The following NTM variants were observed in gnomAD, a reference collection of about 807,000 sequenced individuals.
NTM encodes the protein neurotrimin.
NTM carries 13 observed loss-of-function variants against 42.1 expected under a neutral mutation model. The observed-to-expected ratio is 0.31, with a 90% CI of 0.20 to 0.49. The LOEUF (loss-of-function observed/expected upper bound fraction) is 0.49, where lower values mean the gene tolerates loss of function less well. Among genes scored for constraint, NTM ranks in the 20% least tolerant of loss-of-function variants. The pLI is 0.99. For missense variants in NTM, 373 were observed against 452.8 expected (o/e 0.82, Z 1.60); for synonymous variants, 187 against 179.2 (o/e 1.04, Z -0.35).
intron 1 of NTM, among the ~76,000 whole-genome samples, chr11:131,756,193 T>G (rs770416279): frequency 5.3e-5 from 8 of 152,216 alleles, no homozygotes; most frequent in African/African-American, 1.9e-4. Flanking sequence ...TCATTTTTAC[T>G]GTCTGCTAAT....
rs568597431 is a variant in NTM at position 131,435,771 on chromosome 11, C to G, written c.82+64883C>G. 3.0e-4 allele frequency among the ~76,000 whole-genome samples: 45 copies of G among 152,198 alleles called. No individual in the cohort carries two copies. In the South Asian group the frequency reaches 9.3e-3, roughly 32 times the overall value. Reference sequence around the variant, plus strand: ...ACTTCTTCTTTTCCTAATTGAATACCCTTTATTTCTTTCTCTTGCCTGATT... The same window carrying G: ...ACTTCTTCTTTTCCTAATTGAATACGCTTTATTTCTTTCTCTTGCCTGATT... On this transcript the variant is annotated intron_variant, in intron 1 of 8. Coordinates refer to ENST00000683400, the MANE Select transcript of NTM (RefSeq NM_001352005.2).
chr11:131,619,732 T>G (rs2062327824), intron 1 of NTM, among the ~76,000 whole-genome samples: 1 of 151,820 alleles, frequency 6.6e-6, no homozygotes, highest in Non-Finnish European at 1.5e-5. Context: ...GCAGCAGACG[T>G]GGTGTAGAAA....
chr11:131,681,490 C>T (rs2072852619), intron 1 of NTM, among the ~76,000 whole-genome samples: 1 of 34,330 alleles, frequency 2.9e-5, no homozygotes, highest in Non-Finnish European at 5.0e-5. Flanking sequence ...TGTATGTCTC[C>T]TTGTGTGTGT....
chr11:132,122,305 A>T (rs1046744508), intron 2 of NTM, among the ~76,000 whole-genome samples: 1 of 152,204 alleles, frequency 6.6e-6, no homozygotes, highest in African/African-American at 2.4e-5. Context: ...TGGATAGGAC[A>T]CTTGGAGGGG....
chr11:131,900,442 T>C (rs1236410335), intron 1 of NTM, among the ~76,000 whole-genome samples: 2 of 152,218 alleles, frequency 1.3e-5, no homozygotes, highest in Non-Finnish European at 2.9e-5. Flanking sequence ...AGGTCAGATT[T>C]CAGGAAATCT....
rs539568481 is a variant in NTM, at chr11:132,090,922, C to G, written c.168-55360C>G. ...TCATGATCTCTCACCTCACCCAGAC[C>G]TACCAAAAAAAGTGACAGTCCTCTG... On this transcript the variant is annotated intron_variant, in intron 2 of 8. Transcript: ENST00000683400. 1.6e-4 allele frequency among the ~76,000 whole-genome samples: 24 copies of G among 152,262 alleles called. No homozygotes were observed. In the South Asian group the frequency reaches 5.0e-3, roughly 32 times the overall value.
intron 4 of NTM, among the ~76,000 whole-genome samples, chr11:132,275,116 C>A (rs2093655176): frequency 6.6e-6 from 1 of 151,952 alleles, no homozygotes; most frequent in Admixed American, 6.6e-5. Flanking sequence ...TCTTTGGCTA[C>A]CCTAAGGTCA....
At chr11:131,752,477 G>A (rs986762850) in intron 1 of NTM, among the ~76,000 whole-genome samples, 2 of 152,236 alleles carry the variant, frequency 1.3e-5, no homozygotes, top group African/African-American at 2.4e-5. Context: ...GGAAGTCAGT[G>A]TGGCGATTCC....
chr11:132,027,616 C>A (rs1183361487), intron 2 of NTM, among the ~76,000 whole-genome samples: 1 of 152,156 alleles, frequency 6.6e-6, no homozygotes, highest in Admixed American at 6.5e-5. Context: ...CAATGTAATT[C>A]TTATCCTTGC....
chr11:131,738,536 C>T (rs895873082), intron 1 of NTM, among the ~76,000 whole-genome samples: 4 of 152,212 alleles, frequency 2.6e-5, no homozygotes, highest in East Asian at 3.9e-4. Flanking sequence ...GTGGCTTTTA[C>T]ACTGCATTCA....
intron 2 of NTM, among the ~76,000 whole-genome samples, chr11:131,990,730 A>G (rs1289533981): frequency 6.6e-6 from 1 of 152,204 alleles, no homozygotes; most frequent in African/African-American, 2.4e-5. Context: ...TTTTTATAAA[A>G]GCTTGCAAGT....
At chr11:132,033,328 G>A (rs1188880536) in intron 2 of NTM, among the ~76,000 whole-genome samples, 1 of 152,212 alleles carries the variant, frequency 6.6e-6, no homozygotes, top group African/African-American at 2.4e-5. Flanking sequence ...GCCGTCAAAT[G>A]TCTGGCAATC....
chr11:131,921,023 A>G (rs1049275071), intron 2 of NTM, among the ~76,000 whole-genome samples: 5 of 152,202 alleles, frequency 3.3e-5, no homozygotes, highest in African/African-American at 9.6e-5. Flanking sequence ...ACCCTTCAGA[A>G]GCTATAAGTA....
chr11:131,411,678 C>T (rs901870835), intron 1 of NTM, among the ~76,000 whole-genome samples: 1 of 151,898 alleles, frequency 6.6e-6, no homozygotes, highest in Non-Finnish European at 1.5e-5. Flanking sequence ...TGATATTCTT[C>T]TCCCAAACTT....
chr11:132,128,794 C>T (rs1042044164), intron 2 of NTM, among the ~76,000 whole-genome samples: 3 of 151,276 alleles, frequency 2.0e-5, no homozygotes, highest in South Asian at 4.2e-4. Flanking sequence ...TAAAATTAGC[C>T]GAGTGCGGTG....
chr11:131,515,447 G>T (rs942365447), intron 1 of NTM, among the ~76,000 whole-genome samples: 9 of 152,144 alleles, frequency 5.9e-5, no homozygotes, highest in African/African-American at 2.2e-4. Context: ...GCAGCAACTT[G>T]GTGCTCTATC....
At chr11:131,370,942 C>A in intron 1 of NTM, 54 bp downstream of exon 1, 1 of 1,603,772 alleles carries the variant, frequency 6.2e-7, no homozygotes. Flanking sequence ...GTACAGTGTG[C>A]TTTATAAGAT....
At chr11:132,171,974 C>T (rs1269736521) in intron 3 of NTM, among the ~76,000 whole-genome samples, 2 of 152,216 alleles carry the variant, frequency 1.3e-5, no homozygotes, top group East Asian at 3.9e-4. Context: ...CCACTAACTT[C>T]ATTTCCCATG....
chr11:132,022,589 A>AC (rs2074519106), intron 2 of NTM, among the ~76,000 whole-genome samples: 1 of 152,210 alleles, frequency 6.6e-6, no homozygotes, highest in Admixed American at 6.5e-5. Flanking sequence ...CCTACCTCTG[A>AC]CTGTGAAGTA....
Sources: allele counts gnomAD v4.1 joint callset (sites outside exome capture counted in the v4.1 genomes callset), GRCh38; gene constraint gnomAD v4.1.1; transcripts MANE v1.5; gene names NCBI Gene and HGNC (gene_info 2026-07-23, HGNC 2026-07-21).